Variants in PRDM16 observed in about 807,000 individuals in gnomAD.
PRDM16 encodes the protein histone-lysine N-methyltransferase PRDM16.
A neutral mutation model predicts 110.6 loss-of-function variants in PRDM16; 23 were observed. The observed-to-expected ratio is 0.21, with a 90% CI of 0.15 to 0.29. The LOEUF (loss-of-function observed/expected upper bound fraction) is 0.29. Among genes scored for constraint, PRDM16 ranks in the 10% least tolerant of loss-of-function variants. The probability of loss-of-function intolerance (pLI) is 1.00; values close to 1 mark genes in which losing one functional copy is unlikely to be tolerated. For synonymous variants in PRDM16, 799 were observed against 781.8 expected, an observed-to-expected ratio of 1.02 and a Z score of -0.37; for missense variants, 1,615 against 1,794.3, an observed-to-expected ratio of 0.90 and a Z score of 1.81.
At chr1:3,181,237 T>C (rs1441904071) in intron 1 of PRDM16, among the ~76,000 whole-genome samples, 7 of 69,660 alleles carry the variant, frequency 1.0e-4, no homozygotes, top group East Asian at 3.7e-4. Flanking sequence ...CACACGGTCT[T>C]ACACACAGTC....
At chr1:3,158,082 G>GAT (rs1643871788) in intron 1 of PRDM16, among the ~76,000 whole-genome samples, 1 of 152,184 alleles carries the variant, frequency 6.6e-6, no homozygotes, top group Non-Finnish European at 1.5e-5. Context: ...GCATCATATA[G>GAT]ATAGACACAC....
chr1:3,178,868 C>T (rs1025147636), intron 1 of PRDM16, among the ~76,000 whole-genome samples: 8 of 152,132 alleles, frequency 5.3e-5, no homozygotes, highest in African/African-American at 7.2e-5. Context: ...GGGCTGCTGG[C>T]GGGGACTCCA....
chr1:3,238,299 G>C (rs754342522), intron 2 of PRDM16, among the ~76,000 whole-genome samples: 1 of 152,128 alleles, frequency 6.6e-6, no homozygotes, highest in African/African-American at 2.4e-5. Context: ...GTGCATTTCA[G>C]GACGGGCTCT....
At chr1:3,345,968 T>A (rs375403330) in intron 3 of PRDM16, among the ~76,000 whole-genome samples, 1 of 152,178 alleles carries the variant, frequency 6.6e-6, no homozygotes, top group East Asian at 1.9e-4. Flanking sequence ...TGGGCCAGGG[T>A]CTCCCCCATC....
chr1:3,086,539 T>G (rs544534564), intron 1 of PRDM16, among the ~76,000 whole-genome samples: 2 of 152,146 alleles, frequency 1.3e-5, no homozygotes, highest in East Asian at 3.9e-4. Flanking sequence ...ACTTCTGGCC[T>G]CCTCCCGCCG....
intron 1 of PRDM16, among the ~76,000 whole-genome samples, chr1:3,159,574 A>T (rs962011965): frequency 3.9e-5 from 6 of 152,116 alleles, no homozygotes; most frequent in Non-Finnish European, 8.8e-5. Flanking sequence ...TAAAGACCTC[A>T]TCTCCACATG....
chr1:3,345,761 G>A (rs970590748), intron 3 of PRDM16, among the ~76,000 whole-genome samples: 3 of 74,550 alleles, frequency 4.0e-5, no homozygotes, highest in African/African-American at 6.0e-5. Flanking sequence ...GCCACCCCTC[G>A]GGTCCTCCCG....
chr1:3,234,532 C>G (rs1016690971), intron 2 of PRDM16, among the ~76,000 whole-genome samples: 2 of 152,186 alleles, frequency 1.3e-5, no homozygotes, highest in African/African-American at 4.8e-5. Context: ...CAGCAAGAGG[C>G]CCTGAGCCTG....
intron 1 of PRDM16, among the ~76,000 whole-genome samples, chr1:3,152,372 CCATCCATCCATT>C (rs1157742981): frequency 6.7e-6 from 1 of 148,262 alleles, no homozygotes; most frequent in Non-Finnish European, 1.5e-5. Flanking sequence ...ATCCATCCAT[CCATCCATCCATT>C]TATCCATCCA....
chr1:3,122,537 T>G (rs1004020780), intron 1 of PRDM16, among the ~76,000 whole-genome samples: 1 of 152,110 alleles, frequency 6.6e-6, no homozygotes, highest in African/African-American at 2.4e-5. Flanking sequence ...AGTGGCCGCG[T>G]GGAGAAGTTT....
At chr1:3,422,896 C>T (rs1296727461) in intron 12 of PRDM16, among the ~76,000 whole-genome samples, 2 of 152,214 alleles carry the variant, frequency 1.3e-5, no homozygotes, top group Non-Finnish European at 2.9e-5. Context: ...GGCAGCTCAG[C>T]TGACCCGGGC....
intron 3 of PRDM16, among the ~76,000 whole-genome samples, chr1:3,298,271 C>T (rs1265797434): frequency 2.0e-5 from 3 of 152,238 alleles, no homozygotes; most frequent in Non-Finnish European, 4.4e-5. Flanking sequence ...TCCTGCACCC[C>T]TCTCCTTCCC....
chr1:3,199,649 T>C (rs1040723370), intron 2 of PRDM16, among the ~76,000 whole-genome samples: 4 of 152,138 alleles, frequency 2.6e-5, no homozygotes, highest in African/African-American at 7.2e-5. Context: ...CCTCATCCCA[T>C]GGGGTGGGCC....
At chr1:3,097,166 A>G (rs982739825) in intron 1 of PRDM16, among the ~76,000 whole-genome samples, 4 of 152,216 alleles carry the variant, frequency 2.6e-5, no homozygotes, top group Non-Finnish European at 5.9e-5. Context: ...GGTTAAGGGC[A>G]GAGCTGAGGA....
chr1:3,072,396 C>T (rs1641786693), intron 1 of PRDM16, among the ~76,000 whole-genome samples: 1 of 152,132 alleles, frequency 6.6e-6, no homozygotes, highest in Non-Finnish European at 1.5e-5. Context: ...ACCTAGGTGG[C>T]AGACCCCATG....
intron 2 of PRDM16, among the ~76,000 whole-genome samples, chr1:3,217,938 C>T (rs556651006): frequency 3.9e-5 from 6 of 152,354 alleles, no homozygotes; most frequent in South Asian, 4.1e-4. Context: ...CCCCTCTTGC[C>T]GGCCCTCCCT....
chr1:3,176,832 CCATTCATT>C, intron 1 of PRDM16, among the ~76,000 whole-genome samples: 1 of 151,844 alleles, frequency 6.6e-6, no homozygotes, highest in Admixed American at 6.5e-5. Context: ...ATCCATTCAT[CCATTCATT>C]CATTAACCCA....
At chr1:3,124,424 C>A (rs1404866815) in intron 1 of PRDM16, among the ~76,000 whole-genome samples, 1 of 152,196 alleles carries the variant, frequency 6.6e-6, no homozygotes, top group African/African-American at 2.4e-5. Context: ...GGAACCTCTG[C>A]TCCCGTGGCC....
intron 1 of PRDM16, among the ~76,000 whole-genome samples, chr1:3,137,701 G>A (rs1156331029): frequency 6.6e-6 from 1 of 152,262 alleles, no homozygotes; most frequent in African/African-American, 2.4e-5. Flanking sequence ...CCTACCAGCA[G>A]GTTGATGAAA....
Sources: allele counts gnomAD v4.1 joint callset (sites outside exome capture counted in the v4.1 genomes callset), GRCh38; gene constraint gnomAD v4.1.1; transcripts MANE v1.5; gene names NCBI Gene and HGNC (gene_info 2026-07-23, HGNC 2026-07-21).